DTNBP1: variants seen among roughly 807,000 people sequenced by gnomAD.
The protein encoded by DTNBP1 is dysbindin.
DTNBP1 carries 35 observed loss-of-function variants against 42.8 expected under a neutral mutation model. That is an observed-to-expected ratio of 0.82 (90% CI 0.63 to 1.09). The LOEUF (loss-of-function observed/expected upper bound fraction) is 1.09. DTNBP1 is among the 50% of genes least tolerant of loss of function. The pLI is 0.00. For synonymous variants in DTNBP1, 171 were observed against 162.2 expected (o/e 1.05, Z -0.41); for missense variants, 457 against 424.2 (o/e 1.08, Z -0.68).
intron 1 of DTNBP1, among the ~76,000 whole-genome samples, chr6:15,662,133 G>A (rs946615140): frequency 6.6e-6 from 1 of 152,264 alleles, no homozygotes; most frequent in Non-Finnish European, 1.5e-5. Flanking sequence ...GTTCCCAGGT[G>A]ATTCTAAGCA....
At chr6:15,622,548 A>G (rs1042255330) in intron 5 of DTNBP1, among the ~76,000 whole-genome samples, 3 of 152,262 alleles carry the variant, frequency 2.0e-5, no homozygotes, top group African/African-American at 7.2e-5. Context: ...ATATATGAGT[A>G]CATTTGGTAA....
intron 7 of DTNBP1, among the ~76,000 whole-genome samples, chr6:15,581,542 G>T (rs1320453619): frequency 1.8e-4 from 25 of 135,394 alleles, no homozygotes; most frequent in Non-Finnish European, 2.8e-4. Flanking sequence ...GTGCAGTGGT[G>T]AGATCTTGGC....
At chr6:15,637,704 G>A (rs1460249814) in intron 4 of DTNBP1, 40 bp downstream of exon 4, 1 of 1,604,834 alleles carries the variant, frequency 6.2e-7, no homozygotes, top group African/African-American at 1.3e-5. Flanking sequence ...CACTGAAAAA[G>A]GAAAGTTTGC....
In DTNBP1 at chr6:15,662,925, C is replaced by T. The variant is rs751823731; in HGVS notation, c.-56G>A. 25 of 1,595,548 alleles carry T rather than the reference C, an allele frequency of 1.6e-5. No homozygotes were observed. In the Admixed American group the frequency reaches 4.2e-4, roughly 27 times the overall value. ...CCTCGGGCTGCTGCTGCCTCTGTCG[C>T]CCCCTGGGTCCCACGCCGCCAACCC... is the stretch of plus-strand genomic sequence containing the variant. On this transcript the variant is annotated 5_prime_UTR_variant, in exon 1 of 10. Coordinates refer to ENST00000344537, the MANE Select transcript of DTNBP1 (RefSeq NM_032122.5).
At chr6:15,616,702 C>A (rs1487600456) in intron 5 of DTNBP1, among the ~76,000 whole-genome samples, 1 of 152,156 alleles carries the variant, frequency 6.6e-6, no homozygotes, top group African/African-American at 2.4e-5. Flanking sequence ...AGGCAAACTC[C>A]TCAAATTTCA....
At chr6:15,583,046 C>G (rs998909897) in intron 7 of DTNBP1, among the ~76,000 whole-genome samples, 1 of 152,172 alleles carries the variant, frequency 6.6e-6, no homozygotes, top group East Asian at 1.9e-4. Flanking sequence ...GTGGTGCCAT[C>G]ATAGCTCACT....
At chr6:15,659,745 G>T (rs1761493987) in intron 1 of DTNBP1, among the ~76,000 whole-genome samples, 1 of 151,954 alleles carries the variant, frequency 6.6e-6, no homozygotes, top group Non-Finnish European at 1.5e-5. Flanking sequence ...GTGGAGACGG[G>T]GTTTCACCAC....
intron 1 of DTNBP1, among the ~76,000 whole-genome samples, chr6:15,660,157 G>A (rs1444483700): frequency 1.3e-5 from 2 of 152,144 alleles, no homozygotes; most frequent in Non-Finnish European, 2.9e-5. Context: ...TATTATCTAT[G>A]ATATCAGCAT....
intron 5 of DTNBP1, among the ~76,000 whole-genome samples, chr6:15,625,574 G>T (rs757935479): frequency 7.9e-5 from 12 of 152,160 alleles, no homozygotes; most frequent in Non-Finnish European, 1.3e-4. Flanking sequence ...TCCTAATTGG[G>T]AACGAACATA....
chr6:15,628,190 A>G (rs970788671), intron 4 of DTNBP1, among the ~76,000 whole-genome samples: 2 of 152,152 alleles, frequency 1.3e-5, no homozygotes, highest in East Asian at 3.8e-4. Context: ...TGGTCTTAAC[A>G]TAGTGGGAGG....
intron 7 of DTNBP1, chr6:15,546,134 C>T (rs1486003370): frequency 1.0e-4 from 39 of 373,288 alleles, no homozygotes; most frequent in Admixed American, 2.9e-4. Context: ...GGTGCGATCT[C>T]GGCTCACCGC....
At chr6:15,572,503 C>A (rs750664467) in intron 7 of DTNBP1, among the ~76,000 whole-genome samples, 5 of 152,210 alleles carry the variant, frequency 3.3e-5, no homozygotes, top group African/African-American at 4.8e-5. Flanking sequence ...AACCTGTTTG[C>A]CTTGTCTCTG....
At chr6:15,657,671 G>C (rs995994781) in intron 1 of DTNBP1, among the ~76,000 whole-genome samples, 1 of 152,212 alleles carries the variant, frequency 6.6e-6, no homozygotes, top group African/African-American at 2.4e-5. Flanking sequence ...TAGACAGTCT[G>C]CTACTAGAAC....
chr6:15,626,069 T>C (rs1759325391), intron 5 of DTNBP1, among the ~76,000 whole-genome samples: 1 of 152,188 alleles, frequency 6.6e-6, no homozygotes, highest in African/African-American at 2.4e-5. Flanking sequence ...AGAGACCTAC[T>C]GAGAGCTCCC....
chr6:15,554,471 A>T (rs1581312836), intron 7 of DTNBP1, among the ~76,000 whole-genome samples: 1 of 152,166 alleles, frequency 6.6e-6, no homozygotes. Context: ...CCTCCTGTCA[A>T]CTGAAGAATG....
intron 3 of DTNBP1, 123 bp downstream of exon 3, chr6:15,651,190 T>C (rs1222339663): frequency 3.4e-6 from 3 of 878,386 alleles, no homozygotes; most frequent in East Asian, 2.4e-5. Flanking sequence ...ATAAATAATT[T>C]CCAATCACTG....
At chr6:15,645,067 A>T (rs1760595978) in intron 3 of DTNBP1, among the ~76,000 whole-genome samples, 2 of 152,136 alleles carry the variant, frequency 1.3e-5, no homozygotes, top group Admixed American at 1.3e-4. Context: ...AAGAGATTCA[A>T]ATAAGCACTA....
intron 5 of DTNBP1, among the ~76,000 whole-genome samples, chr6:15,615,833 G>T (rs114477558): frequency 6.6e-6 from 1 of 152,098 alleles, no homozygotes; most frequent in African/African-American, 2.4e-5. Context: ...TCTAAATTAC[G>T]TTAGCATTTG....
At chr6:15,553,809 C>T (rs574716611) in intron 7 of DTNBP1, among the ~76,000 whole-genome samples, 15 of 151,816 alleles carry the variant, frequency 9.9e-5, no homozygotes, top group Middle Eastern at 3.4e-3. Flanking sequence ...GGCACTGTGG[C>T]GTATTAGATA....
Sources: gnomAD v4.1 joint callset for allele counts (sites outside exome capture counted in the v4.1 genomes callset) on GRCh38, gnomAD v4.1.1 for gene constraint, MANE v1.5 for transcripts, NCBI Gene and HGNC (gene_info 2026-07-23, HGNC 2026-07-21) for gene names.